Variants in TBR1 observed in about 807,000 individuals in gnomAD.
TBR1 encodes the protein T-box brain transcription factor 1, also known as T-box brain protein 1.
TBR1 carries 7 observed loss-of-function variants against 60.3 expected under a neutral mutation model. That is an observed-to-expected ratio of 0.12 (90% CI 0.07 to 0.22). The LOEUF (loss-of-function observed/expected upper bound fraction) is 0.22, where lower values mean the gene tolerates loss of function less well. Ranked by LOEUF, TBR1 falls within the 10% of genes least tolerant of loss-of-function variation. The pLI is 1.00. For missense variants in TBR1, 616 were observed against 936.8 expected (o/e 0.66, Z 4.47); for synonymous variants, 417 against 409.9 (o/e 1.02, Z -0.21).
Position 161,417,944 on chromosome 2 carries a change from A to C in TBR1, c.847+114A>C. On this transcript the variant is annotated intron_variant, in intron 2 of 5. Transcript: ENST00000389554. This position sits in a 1 kb window ranked among gnomAD's most constrained non-coding sequence, Gnocchi z 5.3. ...TTAAAACGATCGGCCAATGACTTCT[A>C]AAAGGAAACGAGGGGGACAGGGGGA... 3.4e-6 allele frequency: 5 copies of C among 1,478,832 alleles called. No homozygotes were observed. Among genetic ancestry groups the C allele is most frequent in the Non-Finnish European group, 4.5e-6 (5 of 1,114,432 alleles). The allele number at this position is 1,478,832 out of a possible 1,614,324, so 91.6% of individuals were successfully genotyped here. A position where few individuals can be genotyped will look rare whatever the true frequency, so the allele number is the denominator to read the frequency against.
rs778976033 is a variant in TBR1 at position 161,416,394 on chromosome 2, G to A, written c.-17G>A. On this transcript the variant is annotated 5_prime_UTR_variant, in exon 1 of 6. Coordinates refer to ENST00000389554, the MANE Select transcript of TBR1 (RefSeq NM_006593.4). This position sits in a 1 kb window ranked among gnomAD's most constrained non-coding sequence, Gnocchi z 6.1. The stretch of plus-strand genomic sequence containing the variant: ...AAAAACCAGGGACGGGAGGGCGAGT[G>A]TTCAGGTTCTAGAGCTATGCAGCTG... 6.5e-7 allele frequency: 1 copy of A among 1,545,910 alleles called. No individual in the cohort carries two copies. The highest frequency in any genetic ancestry group is 2.3e-5 in the East Asian group (1 of 44,444).
chr2:161,417,999 A>T lies in TBR1; in HGVS notation c.847+169A>T. The T allele has an allele frequency of 1.4e-6, 2 of 1,451,212 alleles. No homozygotes were observed. The allele number at this position is 1,451,212 out of a possible 1,614,324, so 89.9% of individuals were successfully genotyped here. A position where few individuals can be genotyped will look rare whatever the true frequency, so the allele number is the denominator to read the frequency against. On this transcript the variant is annotated intron_variant, in intron 2 of 5. Coordinates refer to ENST00000389554, the MANE Select transcript of TBR1 (RefSeq NM_006593.4). This position sits in a 1 kb window ranked among gnomAD's most constrained non-coding sequence, Gnocchi z 5.3. ...CTGAGCTGCGAGAAGGGGGAGGATT[A>T]TGCAAAAGCTATTTTAATCACCCCC...
chr2:161,423,909 C>T lies in TBR1; in HGVS notation c.1731C>T (p.Gly577=), dbSNP rs765786081. 8.1e-6 allele frequency: 12 copies of T among 1,475,404 alleles called. 1 individual carries two copies. The South Asian group carries it at 1.6e-4, about 20-fold the overall frequency. The allele number at this position is 1,475,404 out of a possible 1,614,324, so 91.4% of individuals were successfully genotyped here. A position where few individuals can be genotyped will look rare whatever the true frequency, so the allele number is the denominator to read the frequency against. The change falls in exon 6 of 6, where the codon GGC becomes GGT. Residue 577 remains glycine (G), a synonymous_variant. Coordinates refer to ENST00000389554, the MANE Select transcript of TBR1 (RefSeq NM_006593.4). ...CCGCGGCCGCCGCGCGCATGGCCGG[C>T]GCCAATCCCTACCTGGGCGAGGAGG... ...NSAAAAARMA[G]ANPYLGEEAE...
rs1684129636 is a variant in TBR1, at chr2:161,416,783, C to A, written c.373C>A (p.Pro125Thr). ...GGCCACTGCTCCCAGTGCCATGTTCCCGTACCCCGGCCAGCACGGACCGGC... is the reference window on the plus strand; with the variant it reads ...GGCCACTGCTCCCAGTGCCATGTTCACGTACCCCGGCCAGCACGGACCGGC... ...SAATAPSAMF[P>T]YPGQHGPAHP... The change falls in exon 1 of 6, where the codon CCG becomes ACG. Residue 125 changes from proline (P) to threonine (T), a missense_variant. This residue lies in a region of TBR1 where 211 missense variants were observed against 268.7 expected (regional missense o/e 0.79). Coordinates refer to ENST00000389554, the MANE Select transcript of TBR1 (RefSeq NM_006593.4). The surrounding 1 kb of genome is among the most constrained non-coding windows in gnomAD (Gnocchi z 6.1). 1 of 1,614,048 alleles carries A rather than the reference C, an allele frequency of 6.2e-7. No individual in the cohort carries two copies. The highest frequency in any genetic ancestry group is 1.3e-5 in the African/African-American group (1 of 74,932).
chr2:161,424,978 T>C lies in TBR1; in HGVS notation c.*751T>C, dbSNP rs1684299202. 6.6e-6 allele frequency: 1 copy of C among 152,592 alleles called. No homozygotes were observed. Among genetic ancestry groups the C allele is most frequent in the Admixed American group, 6.5e-5 (1 of 15,282 alleles). 9.5% of individuals were successfully genotyped at this position (152,592 alleles called of 1,614,324 possible). A position where few individuals can be genotyped will look rare whatever the true frequency, so the allele number is the denominator to read the frequency against. On this transcript the variant is annotated 3_prime_UTR_variant, in exon 6 of 6. Coordinates refer to ENST00000389554, the MANE Select transcript of TBR1 (RefSeq NM_006593.4). The surrounding 1 kb of genome is among the most constrained non-coding windows in gnomAD (Gnocchi z 4.4). ...TCAGTAGTGATGGGTTTCCCACTTC[T>C]CCTCAATCCGTTGCATGAAATAATT...
intron 3 of TBR1, 59 bp from the exon 4 acceptor site, chr2:161,418,833 C>T: frequency 1.3e-6 from 2 of 1,576,050 alleles, no homozygotes; most frequent in South Asian, 2.3e-5. Context: ...CACACAGCCA[C>T]GCGCACAGCG....
At chr2:161,419,204 C>CT in intron 4 of TBR1, 154 bp downstream of exon 4, 1 of 1,082,346 alleles carries the variant, frequency 9.2e-7, no homozygotes, top group African/African-American at 1.6e-5. Flanking sequence ...GGCTCGGGGC[C>CT]TGCCCACGGC....
chr2:161,424,015 A>T lies in TBR1; in HGVS notation c.1837A>T (p.Ser613Cys), dbSNP rs1382397027. 1.3e-6 allele frequency: 2 copies of T among 1,582,300 alleles called. No homozygotes were observed. Among genetic ancestry groups the T allele is most frequent in the East Asian group, 4.7e-5 (2 of 42,970 alleles). ...DAKPKDLSDS[S>C]WIETPSSIKS... ...CAAGCCCAAGGACCTGTCCGATTCC[A>T]GCTGGATCGAGACGCCCTCCTCGAT... The change falls in exon 6 of 6, where the codon AGC (serine) becomes TGC (cysteine). Residue 613 changes from serine (S) to cysteine (C), a missense_variant. By Grantham distance (112) the Ser-to-Cys change is moderately radical. This residue lies in a region of TBR1 where 210 missense variants were observed against 297.4 expected (regional missense o/e 0.71). Coordinates refer to ENST00000389554, the MANE Select transcript of TBR1 (RefSeq NM_006593.4). The surrounding 1 kb of genome is among the most constrained non-coding windows in gnomAD (Gnocchi z 4.4).
Position 161,417,318 on chromosome 2 carries a change from G to A in TBR1, c.692+216G>A. The stretch of plus-strand genomic sequence containing the variant: ...TTCTAGGAACATAGTGGGAGAGCCA[G>A]TCAGTGGCCAGAGGAAGGCAAGAAA... On this transcript the variant is annotated intron_variant, in intron 1 of 5. Coordinates refer to ENST00000389554, the MANE Select transcript of TBR1 (RefSeq NM_006593.4). The surrounding 1 kb of genome is among the most constrained non-coding windows in gnomAD (Gnocchi z 5.3). 1 of 601,048 alleles carries A rather than the reference G, an allele frequency of 1.7e-6. No homozygotes were observed. 37.2% of individuals were successfully genotyped at this position (601,048 alleles called of 1,614,324 possible).
rs764556263 is a variant in TBR1 at position 161,423,684 on chromosome 2, G to C, written c.1506G>C (p.Thr502=). The C allele has an allele frequency of 7.8e-6, 12 of 1,542,826 alleles. No individual in the cohort carries two copies. In the South Asian group the frequency reaches 1.3e-4, roughly 17 times the overall value. ...RLDFAASAYD[T]ATDFAGNAAT... Reference sequence around the variant, plus strand: ...ACTTCGCGGCCTCGGCCTATGACACGGCCACGGACTTCGCGGGCAACGCGG... The same window carrying C: ...ACTTCGCGGCCTCGGCCTATGACACCGCCACGGACTTCGCGGGCAACGCGG... Residue 502 remains threonine (T), a synonymous_variant, in exon 6 of 6, where the codon ACG becomes ACC. Transcript: ENST00000389554.
At chr2:161,420,415 CTTCTTTTTTTTTTT>C (rs1347479405) in intron 5 of TBR1, 158 bp downstream of exon 5, 9 of 188,798 alleles carry the variant, frequency 4.8e-5, no homozygotes, top group Non-Finnish European at 9.6e-5. Context: ...TCTTCTTCCT[CTTCTTTTTTTTTTT>C]TTTTTTTTTT....
chr2:161,419,215 A>C, intron 4 of TBR1, 165 bp downstream of exon 4: 1 of 978,978 alleles, frequency 1.0e-6, no homozygotes, highest in Non-Finnish European at 1.5e-6. Flanking sequence ...TGCCCACGGC[A>C]CCTTTCCTAA....
Position 161,417,350 on chromosome 2 carries a change from G to C in TBR1, c.692+248G>C. On this transcript the variant is annotated intron_variant, in intron 1 of 5. Transcript: ENST00000389554. This position sits in a 1 kb window ranked among gnomAD's most constrained non-coding sequence, Gnocchi z 5.3. ...GCCAGAGGAAGGCAAGAAAAAGGAA[G>C]AGCCCTGGCCAGCGGCTGGGCGATG... 1.8e-6 allele frequency: 1 copy of C among 571,416 alleles called. No individual in the cohort carries two copies. The highest frequency in any genetic ancestry group is 4.7e-4 in the Middle Eastern group (1 of 2,114). 35.4% of individuals were successfully genotyped at this position (571,416 alleles called of 1,614,324 possible).
At position 161,418,231 on chromosome 2, in the gene TBR1, C is replaced by T; in HGVS notation, c.878C>T (p.Pro293Leu). Residue 293 changes from proline to leucine, a missense_variant, in exon 3 of 6, where the codon CCC becomes CTC. Physicochemically the swap from Pro to Leu is moderately conservative, Grantham distance 98 (BLOSUM62 -3). Around this residue, in one of 8 missense-constraint regions of TBR1, gnomAD observed 85 missense variants for 164.9 expected, o/e 0.52. Coordinates refer to ENST00000389554, the MANE Select transcript of TBR1 (RefSeq NM_006593.4). ...GNRVYMHPDSPNTGAHWMRQE... is the reference protein window; with the variant it reads ...GNRVYMHPDSLNTGAHWMRQE... ...CGGGTCTATATGCATCCGGATTCCC[C>T]CAACACTGGGGCTCACTGGATGCGC... 6.2e-7 allele frequency: 1 copy of T among 1,613,890 alleles called. No individual in the cohort carries two copies. Among genetic ancestry groups the T allele is most frequent in the Non-Finnish European group, 8.5e-7 (1 of 1,179,942 alleles).
chr2:161,423,306 C>T, intron 5 of TBR1, 63 bp from the exon 6 acceptor site: 1 of 985,706 alleles, frequency 1.0e-6, no homozygotes, highest in Non-Finnish European at 1.4e-6. Flanking sequence ...CTGCCCCCAC[C>T]CCCACCCCAA....
At chr2:161,421,801 C>A (rs928981257) in intron 5 of TBR1, 3 of 152,122 alleles carry the variant, frequency 2.0e-5, no homozygotes, top group Non-Finnish European at 2.9e-5. Flanking sequence ...AAATTTTGTG[C>A]ACTAAACAGA....
Position 161,417,265 on chromosome 2 carries a change from C to T in TBR1, c.692+163C>T. 2 of 720,562 alleles carry T rather than the reference C, an allele frequency of 2.8e-6. No individual in the cohort carries two copies. The highest frequency in any genetic ancestry group is 3.9e-5 in the South Asian group (2 of 51,358). 44.6% of individuals were successfully genotyped at this position (720,562 alleles called of 1,614,324 possible). On this transcript the variant is annotated intron_variant, in intron 1 of 5. Transcript: ENST00000389554. This position sits in a 1 kb window ranked among gnomAD's most constrained non-coding sequence, Gnocchi z 5.3. ...GGGGGAAAGTGGAAGGGATAACCGC[C>T]AGGGTGATGTTGGTGGGGGGGACCC...
At position 161,424,694 on chromosome 2, in the gene TBR1, G is replaced by GTGGATGGA. The variant is rs528117826; in HGVS notation, c.*483_*490dup. The GTGGATGGA allele has an allele frequency of 6.4e-6, 1 of 155,994 alleles. No homozygotes were observed. The highest frequency in any genetic ancestry group is 2.4e-5 in the African/African-American group (1 of 41,516). 9.7% of individuals were successfully genotyped at this position (155,994 alleles called of 1,614,324 possible). A position where few individuals can be genotyped will look rare whatever the true frequency, so the allele number is the denominator to read the frequency against. On this transcript the variant is annotated 3_prime_UTR_variant, in exon 6 of 6. Transcript: ENST00000389554. The surrounding 1 kb of genome is among the most constrained non-coding windows in gnomAD (Gnocchi z 4.4). ...CCAGCGCGTCCTTTCTTATCCCCGA[G>GTGGATGGA]TGGATGGATGGATGGATGGATGGTA...
chr2:161,423,551 A>G lies in TBR1; in HGVS notation c.1373A>G (p.Asp458Gly). ...GAGAGPGPGT[D>G]RSVPHTNGLL... ...GGCGCGGGCCCCGGGCCGGGTACGG[A>G]CCGCAGCGTGCCGCACACCAACGGG... is the stretch of plus-strand genomic sequence containing the variant. The change falls in exon 6 of 6, where the codon GAC becomes GGC. Residue 458 changes from aspartate (D) to glycine (G), a missense_variant. By Grantham distance (94) the Asp-to-Gly change is moderately conservative. This residue lies in a region of TBR1 where 80 missense variants were observed against 75.3 expected (regional missense o/e 1.06). Coordinates refer to ENST00000389554, the MANE Select transcript of TBR1 (RefSeq NM_006593.4). 6.4e-7 allele frequency: 1 copy of G among 1,565,992 alleles called. No individual in the cohort carries two copies.
Sources: gnomAD v4.1 joint callset for allele counts on GRCh38, gnomAD v4.1.1 for gene constraint, gnomAD v4.1.1 regional missense constraint, Gnocchi (gnomAD v3.1) non-coding constraint, MANE v1.5 for transcripts, NCBI Gene and HGNC (gene_info 2026-07-23, HGNC 2026-07-21) for gene names.